Variants in ITPR2 observed in about 807,000 individuals in gnomAD.
The protein encoded by ITPR2 is inositol 1,4,5-trisphosphate receptor type 2, also known as inositol 1,4,5-trisphosphate-gated calcium channel ITPR2.
Under a neutral mutation model 317.1 loss-of-function variants are expected in ITPR2, and 207 were observed. The observed-to-expected ratio is 0.65, with a 90% CI of 0.58 to 0.73. The LOEUF (loss-of-function observed/expected upper bound fraction) is 0.73. ITPR2 is among the 30% of genes least tolerant of loss of function. ITPR2 has a pLI of 0.00. For synonymous variants in ITPR2, 1,156 were observed against 1,149.1 expected (o/e 1.01, Z -0.12); for missense variants, 2,613 against 3,284.0 (o/e 0.80, Z 4.99).
chr12:26,542,934 C>T (rs889258935), intron 37 of ITPR2, among the ~76,000 whole-genome samples: 3 of 152,136 alleles, frequency 2.0e-5, no homozygotes, highest in African/African-American at 7.2e-5. Context: ...TTTCAATGCT[C>T]GTTCTCTTCT....
intron 37 of ITPR2, among the ~76,000 whole-genome samples, chr12:26,541,570 T>G (rs1232014536): frequency 1.3e-5 from 2 of 152,234 alleles, no homozygotes; most frequent in African/African-American, 4.8e-5. Flanking sequence ...TACAATGCAG[T>G]CTATGTAGCA....
At chr12:26,464,129 G>T (rs755923563) in intron 45 of ITPR2, among the ~76,000 whole-genome samples, 2 of 152,174 alleles carry the variant, frequency 1.3e-5, no homozygotes, top group Non-Finnish European at 1.5e-5. Flanking sequence ...TTTGGCACCA[G>T]GGATCAGTTT....
At chr12:26,417,163 T>G (rs1025597795) in intron 50 of ITPR2, among the ~76,000 whole-genome samples, 4 of 152,170 alleles carry the variant, frequency 2.6e-5, no homozygotes, top group Admixed American at 2.6e-4. Context: ...TTACATACGA[T>G]TTTTGATATC....
At chr12:26,470,005 G>A (rs529412494) in intron 45 of ITPR2, among the ~76,000 whole-genome samples, 2 of 152,202 alleles carry the variant, frequency 1.3e-5, no homozygotes, top group African/African-American at 4.8e-5. Context: ...GCGGAAGTGA[G>A]TAATGGCTCC....
chr12:26,561,962 A>G lies in ITPR2; in HGVS notation c.4631-10T>C. Reference sequence around the variant, plus strand: ...ATTCCACGATTTTTTGCTGAAAAAGAAAGATTTAAAATATTTCCCTCTTAA... The same window carrying G: ...ATTCCACGATTTTTTGCTGAAAAAGGAAGATTTAAAATATTTCCCTCTTAA... On this transcript the variant is annotated splice_polypyrimidine_tract_variant and intron_variant, in intron 34 of 56. Coordinates refer to ENST00000381340, the MANE Select transcript of ITPR2 (RefSeq NM_002223.4). The G allele has an allele frequency of 3.3e-6, 5 of 1,505,906 alleles. No homozygotes were observed. The highest frequency in any genetic ancestry group is 4.4e-6 in the Non-Finnish European group (5 of 1,133,292). The allele number at this position is 1,505,906 out of a possible 1,614,324, so 93.3% of individuals were successfully genotyped here.
chr12:26,690,555 T>C (rs983369704), intron 10 of ITPR2, among the ~76,000 whole-genome samples: 7 of 152,376 alleles, frequency 4.6e-5, no homozygotes, highest in African/African-American at 1.7e-4. Flanking sequence ...TTCATCAGTC[T>C]TTTGTGAGTT....
chr12:26,648,859 T>A (rs1014845437), intron 21 of ITPR2: 3 of 152,180 alleles, frequency 2.0e-5, no homozygotes, highest in African/African-American at 2.4e-5. Flanking sequence ...ATTTGGAGAT[T>A]CCAGAAAAGT....
At chr12:26,816,767 CAGT>C (rs1200046196) in intron 1 of ITPR2, among the ~76,000 whole-genome samples, 2 of 152,056 alleles carry the variant, frequency 1.3e-5, no homozygotes, top group Admixed American at 1.3e-4. Context: ...AGATCAGGAA[CAGT>C]TCACTATAGA....
intron 5 of ITPR2, among the ~76,000 whole-genome samples, chr12:26,718,122 G>A (rs943760399): frequency 5.3e-5 from 8 of 152,166 alleles, no homozygotes; most frequent in African/African-American, 9.6e-5. Context: ...TGTGCAGAAC[G>A]TGCAGGTTTG....
At chr12:26,579,536 T>C (rs1407059159) in intron 33 of ITPR2, among the ~76,000 whole-genome samples, 2 of 152,148 alleles carry the variant, frequency 1.3e-5, no homozygotes, top group Non-Finnish European at 2.9e-5. Context: ...CAATTTTCCC[T>C]TTAAAACATG....
At chr12:26,516,270 A>AGGAAAGGAAG (rs1943499154) in intron 37 of ITPR2, among the ~76,000 whole-genome samples, 15 of 38,978 alleles carry the variant, frequency 3.8e-4, no homozygotes, top group South Asian at 3.3e-3. Flanking sequence ...AGGAAAGGAA[A>AGGAAAGGAAG]GGAAGGGAAG....
intron 26 of ITPR2, among the ~76,000 whole-genome samples, chr12:26,611,677 A>G (rs1946272228): frequency 6.6e-6 from 1 of 152,220 alleles, no homozygotes; most frequent in East Asian, 1.9e-4. Context: ...AGAAAAATTA[A>G]CAATCAAAAT....
At chr12:26,512,303 A>G (rs1402454889) in intron 37 of ITPR2, among the ~76,000 whole-genome samples, 1 of 152,168 alleles carries the variant, frequency 6.6e-6, no homozygotes, top group African/African-American at 2.4e-5. Context: ...CTGGCAATGT[A>G]AATTGATAGC....
intron 34 of ITPR2, among the ~76,000 whole-genome samples, chr12:26,568,914 G>A (rs986583555): frequency 2.0e-5 from 3 of 152,088 alleles, no homozygotes; most frequent in Non-Finnish European, 4.4e-5. Context: ...AAATTATACT[G>A]AGTGAATCCT....
chr12:26,675,277 G>A (rs1257467560), intron 13 of ITPR2, among the ~76,000 whole-genome samples: 4 of 152,198 alleles, frequency 2.6e-5, no homozygotes, highest in Non-Finnish European at 4.4e-5. Context: ...ATTCACAATA[G>A]CAAAGACTTG....
At chr12:26,560,155 C>A (rs1180877264) in intron 35 of ITPR2, among the ~76,000 whole-genome samples, 2 of 152,184 alleles carry the variant, frequency 1.3e-5, no homozygotes, top group Non-Finnish European at 2.9e-5. Context: ...CCTCTCTGTG[C>A]TGGTTGGCAC....
At chr12:26,816,480 T>C (rs571531461) in intron 1 of ITPR2, among the ~76,000 whole-genome samples, 1 of 152,284 alleles carries the variant, frequency 6.6e-6, no homozygotes. Context: ...CAAAAGCCCA[T>C]GTTAACTATA....
Position 26,775,084 on chromosome 12 carries a change from C to G in ITPR2, c.163+15073G>C, listed in dbSNP as rs144863615. Among the ~76,000 whole-genome samples the G allele has an allele frequency of 1.7e-3, 257 of 152,240 alleles. 1 individual carries two copies. The highest frequency in any genetic ancestry group is 0.014 in the Middle Eastern group (4 of 294). ...TCCCCCAAGTCCTCATCTGTGTTTC[C>G]TGGGATCACCTCCCAAATAGATTAC... is the stretch of plus-strand genomic sequence containing the variant. On this transcript the variant is annotated intron_variant, in intron 2 of 56. Coordinates refer to ENST00000381340, the MANE Select transcript of ITPR2 (RefSeq NM_002223.4).
rs186882197 is a variant in ITPR2, at chr12:26,635,748, A to T, written c.2741-3689T>A. ...TCCCATCCCAGCTTAGCAGCTCCTTATAAACCTGCCCTTGCTGGAAAATAT... is the reference window on the plus strand; with the variant it reads ...TCCCATCCCAGCTTAGCAGCTCCTTTTAAACCTGCCCTTGCTGGAAAATAT... On this transcript the variant is annotated intron_variant, in intron 21 of 56. Transcript: ENST00000381340. Among the ~76,000 whole-genome samples the T allele has an allele frequency of 2.0e-5, 3 of 152,348 alleles. No homozygotes were observed. In the East Asian group the frequency reaches 5.8e-4, roughly 29 times the overall value.
Sources: allele counts gnomAD v4.1 joint callset (sites outside exome capture counted in the v4.1 genomes callset), GRCh38; gene constraint gnomAD v4.1.1; transcripts MANE v1.5; gene names NCBI Gene and HGNC (gene_info 2026-07-23, HGNC 2026-07-21).